ELP4: variants seen among roughly 807,000 people sequenced by gnomAD.
The protein encoded by ELP4 is elongator complex protein 4.
In ELP4, 51 loss-of-function variants were observed where a neutral mutation model predicts 48.9. The ratio of observed to expected loss-of-function variants is 1.04; its 90% CI spans 0.83 to 1.32. The LOEUF (loss-of-function observed/expected upper bound fraction) is 1.32. Among genes scored for constraint, ELP4 ranks in the 40% most tolerant of loss-of-function variants. ELP4 has a pLI of 0.00. For synonymous variants in ELP4, 210 were observed against 189.2 expected (o/e 1.11, Z -0.90); for missense variants, 519 against 514.6 (o/e 1.01, Z -0.08).
chr11:31,552,891 G>C (rs1000033520), intron 3 of ELP4, among the ~76,000 whole-genome samples: 10 of 152,140 alleles, frequency 6.6e-5, no homozygotes, highest in African/African-American at 2.2e-4. Context: ...ACTTTATTCT[G>C]TTTATATGAA....
chr11:31,569,315 T>A (rs1240067526), intron 3 of ELP4, among the ~76,000 whole-genome samples: 1 of 152,124 alleles, frequency 6.6e-6, no homozygotes, highest in Non-Finnish European at 1.5e-5. Flanking sequence ...ACTAACAATC[T>A]ACAAAATGGG....
chr11:31,767,998 T>C (rs1207768014), intron 9 of ELP4: 3 of 152,198 alleles, frequency 2.0e-5, no homozygotes, highest in South Asian at 4.1e-4. Flanking sequence ...GTGAAGCCAG[T>C]GTAATTTGTA....
intron 9 of ELP4, among the ~76,000 whole-genome samples, chr11:31,742,842 G>C (rs1178783331): frequency 3.3e-5 from 5 of 152,080 alleles, no homozygotes; most frequent in African/African-American, 4.8e-5. Context: ...ACTGCATCAA[G>C]TATCAAGCAA....
intron 9 of ELP4, among the ~76,000 whole-genome samples, chr11:31,733,166 A>C: frequency 6.6e-6 from 1 of 152,148 alleles, no homozygotes; most frequent in South Asian, 2.1e-4. Context: ...AGGTCACAAA[A>C]TAAGTCTTAA....
intron 1 of ELP4, among the ~76,000 whole-genome samples, chr11:31,516,024 T>TG (rs902369502): frequency 2.0e-5 from 3 of 151,386 alleles, no homozygotes; most frequent in Non-Finnish European, 2.9e-5. Context: ...GGCAGGAGAA[T>TG]GGGGGGTGAA....
chr11:31,543,661 G>A (rs2133912896), intron 3 of ELP4, among the ~76,000 whole-genome samples: 1 of 152,278 alleles, frequency 6.6e-6, no homozygotes, highest in South Asian at 2.1e-4. Context: ...CTTGAAGCAA[G>A]TGATAAAGAC....
At chr11:31,636,492 A>G (rs974910578) in intron 7 of ELP4, among the ~76,000 whole-genome samples, 1 of 152,002 alleles carries the variant, frequency 6.6e-6, no homozygotes, top group African/African-American at 2.4e-5. Flanking sequence ...CTTGTATAGT[A>G]ATGATTAGTT....
At position 31,510,680 on chromosome 11, in the gene ELP4, C is replaced by T. The variant is rs75794588; in HGVS notation, c.223+673C>T. On this transcript the variant is annotated intron_variant, in intron 1 of 9. Transcript: ENST00000640961. ...GTATTGATTGCTGCTACATTCCATA[C>T]GACATCTTTAAATTTAACTCACATT... 3.9e-3 allele frequency: 1,123 copies of T among 289,206 alleles called. 18 individuals are homozygous for T. Among genetic ancestry groups the T allele is most frequent in the African/African-American group, 0.022 (1,020 of 45,998 alleles). The allele number at this position is 289,206 out of a possible 1,614,324, so 17.9% of individuals were successfully genotyped here. A position where few individuals can be genotyped will look rare whatever the true frequency, so the allele number is the denominator to read the frequency against.
chr11:31,770,229 G>A (rs1240281157), intron 9 of ELP4, among the ~76,000 whole-genome samples: 1 of 152,130 alleles, frequency 6.6e-6, no homozygotes, highest in Non-Finnish European at 1.5e-5. Context: ...TTGGAGACCA[G>A]CAAAAAGGTT....
chr11:31,518,494 A>AT (rs539723681), intron 1 of ELP4, among the ~76,000 whole-genome samples: 28,790 of 122,836 alleles, frequency 0.23, 4,180 homozygotes, highest in Non-Finnish European at 0.33. Flanking sequence ...CATAGTTCAG[A>AT]TTTTTTTTTT....
intron 3 of ELP4, among the ~76,000 whole-genome samples, chr11:31,583,761 T>TA (rs1957428291): frequency 6.6e-6 from 1 of 152,186 alleles, no homozygotes; most frequent in Non-Finnish European, 1.5e-5. Context: ...GTTAGGTAAA[T>TA]AAATAAATAC....
intron 5 of ELP4, among the ~76,000 whole-genome samples, chr11:31,621,488 G>A (rs1410820178): frequency 6.6e-6 from 1 of 151,824 alleles, no homozygotes; most frequent in Non-Finnish European, 1.5e-5. Flanking sequence ...TGGCTTTACA[G>A]ATGAGAAAAT....
Position 31,510,621 on chromosome 11 carries a change from T to C in ELP4, c.223+614T>C, listed in dbSNP as rs1955974590. 5 of 373,042 alleles carry C rather than the reference T, an allele frequency of 1.3e-5. No individual in the cohort carries two copies. The Admixed American group carries it at 2.3e-4, about 17-fold the overall frequency. 23.1% of individuals were successfully genotyped at this position (373,042 alleles called of 1,614,324 possible). On this transcript the variant is annotated intron_variant, in intron 1 of 9. Transcript: ENST00000640961. The stretch of plus-strand genomic sequence containing the variant: ...TGTCTGCGTTAAATCTGTGTATATA[T>C]TTTTTATTTTTTCTATATACATTTT...
chr11:31,725,267 C>T (rs1375698095), intron 9 of ELP4, among the ~76,000 whole-genome samples: 1 of 152,198 alleles, frequency 6.6e-6, no homozygotes. Context: ...CTCTCCTGCC[C>T]ACAGTGGTGT....
chr11:31,671,235 C>T (rs1945799960), intron 9 of ELP4, among the ~76,000 whole-genome samples: 1 of 152,106 alleles, frequency 6.6e-6, no homozygotes, highest in African/African-American at 2.4e-5. Flanking sequence ...CAACTATCCA[C>T]TTAGAAGTTT....
At chr11:31,554,500 A>G (rs1158018733) in intron 3 of ELP4, among the ~76,000 whole-genome samples, 1 of 151,944 alleles carries the variant, frequency 6.6e-6, no homozygotes, top group Non-Finnish European at 1.5e-5. Flanking sequence ...ATGATTTGGT[A>G]TATGTATACA....
intron 9 of ELP4, among the ~76,000 whole-genome samples, chr11:31,724,255 C>T (rs576224365): frequency 2.0e-5 from 3 of 152,228 alleles, no homozygotes; most frequent in East Asian, 3.9e-4. Context: ...GAAGAAAGGG[C>T]GTGTCAACCA....
At chr11:31,685,266 G>A (rs968859286) in intron 9 of ELP4, among the ~76,000 whole-genome samples, 1 of 151,942 alleles carries the variant, frequency 6.6e-6, no homozygotes, top group Non-Finnish European at 1.5e-5. Flanking sequence ...CAAGGGAATC[G>A]CTTGAACCTG....
Position 31,785,887 on chromosome 11 carries a change from T to A in ELP4, c.*2363T>A. 1 of 195,876 alleles carries A rather than the reference T, an allele frequency of 5.1e-6. No homozygotes were observed. The highest frequency in any genetic ancestry group is 1.1e-5 in the Non-Finnish European group (1 of 94,258). 12.1% of individuals were successfully genotyped at this position (195,876 alleles called of 1,614,324 possible). ...TAATTATCAGCTTGACTCAAAGATA[T>A]AAATACTTAAGAACAATGCCAAACG... On this transcript the variant is annotated 3_prime_UTR_variant, in exon 10 of 10. Coordinates refer to ENST00000640961, the MANE Select transcript of ELP4 (RefSeq NM_019040.5).
Sources: gnomAD v4.1 joint callset for allele counts (sites outside exome capture counted in the v4.1 genomes callset) on GRCh38, gnomAD v4.1.1 for gene constraint, MANE v1.5 for transcripts, NCBI Gene and HGNC (gene_info 2026-07-23, HGNC 2026-07-21) for gene names.